Variants in SHISA9 observed in about 807,000 individuals in gnomAD.
SHISA9 encodes shisa family member 9, also known as protein shisa-9.
SHISA9 carries 13 observed loss-of-function variants against 38.0 expected under a neutral mutation model. That is an observed-to-expected ratio of 0.34 (90% CI 0.22 to 0.54). SHISA9 has a LOEUF of 0.54. Among genes scored for constraint, SHISA9 ranks in the 20% least tolerant of loss-of-function variants. The pLI is 0.91. For missense variants in SHISA9, 538 were observed against 575.8 expected (o/e 0.93, Z 0.67); for synonymous variants, 275 against 242.0 (o/e 1.14, Z -1.27).
the SHISA9 span, among the ~76,000 whole-genome samples, chr16:13,256,128 C>G: frequency 5.3e-4 from 81 of 152,312 alleles, no homozygotes; most frequent in African/African-American, 1.9e-3. Flanking sequence ...TTTCCTCTGC[C>G]AGAATAACTT....
chr16:13,416,485 G>A, the SHISA9 span, among the ~76,000 whole-genome samples: 115 of 152,234 alleles, frequency 7.6e-4, no homozygotes, highest in Middle Eastern at 0.014. Context: ...CCAACACTGG[G>A]AGGATGTGAG....
At chr16:12,964,967 G>A (rs2071958232) in intron 2 of SHISA9, among the ~76,000 whole-genome samples, 1 of 152,122 alleles carries the variant, frequency 6.6e-6, no homozygotes, top group African/African-American at 2.4e-5. Flanking sequence ...CCTAGTAGAT[G>A]TTTAGGCTGA....
At chr16:13,015,569 A>G (rs2072731522) in intron 2 of SHISA9, among the ~76,000 whole-genome samples, 1 of 152,162 alleles carries the variant, frequency 6.6e-6, no homozygotes, top group South Asian at 2.1e-4. Flanking sequence ...TCATTTTTGA[A>G]CCAATGCTTT....
rs562795186 is a variant in SHISA9 at position 13,014,176 on chromosome 16, G to C, written c.691+97361G>C. ...AGGAAACTGAGGCAGAGAGCAGTTA[G>C]AGCAATGTGCCCAAGACAATACAGT... On this transcript the variant is annotated intron_variant, in intron 2 of 4. Transcript: ENST00000558583. Among the ~76,000 whole-genome samples the C allele has an allele frequency of 7.2e-5, 11 of 152,304 alleles. No individual in the cohort carries two copies. The South Asian group carries it at 2.1e-3, about 29-fold the overall frequency.
the SHISA9 span, among the ~76,000 whole-genome samples, chr16:13,503,847 G>A: frequency 1.3e-5 from 2 of 152,106 alleles, no homozygotes; most frequent in Non-Finnish European, 2.9e-5. Context: ...ATTGCAGAGG[G>A]GCAAGAATGG....
the SHISA9 span, among the ~76,000 whole-genome samples, chr16:13,282,205 G>A: frequency 6.6e-6 from 1 of 151,836 alleles, no homozygotes; most frequent in Non-Finnish European, 1.5e-5. Context: ...ATTCTTCCAG[G>A]TATGATTTAT....
At chr16:13,114,483 A>T (rs1184790940) in intron 2 of SHISA9, among the ~76,000 whole-genome samples, 1 of 151,356 alleles carries the variant, frequency 6.6e-6, no homozygotes, top group African/African-American at 2.4e-5. Context: ...AAAAAAAAAA[A>T]AAAAAGACGA....
At chr16:13,462,107 C>T in the SHISA9 span, among the ~76,000 whole-genome samples, 3 of 151,478 alleles carry the variant, frequency 2.0e-5, no homozygotes, top group African/African-American at 7.3e-5. Flanking sequence ...CACATCTCTG[C>T]TTAAAGAAAA....
the SHISA9 span, among the ~76,000 whole-genome samples, chr16:13,522,481 G>A: frequency 2.8e-4 from 43 of 151,922 alleles, 1 homozygote; most frequent in African/African-American, 9.7e-4. Context: ...TTGCTTCCTC[G>A]ACCATCAGTG....
chr16:13,187,328 C>CTTTTCTTTTCTTTTCTTTTT (rs1450024008), intron 2 of SHISA9, among the ~76,000 whole-genome samples: 2 of 90,676 alleles, frequency 2.2e-5, no homozygotes, highest in African/African-American at 7.7e-5. Context: ...CTTTTCTTTT[C>CTTTTCTTTTCTTTTCTTTTT]TTTTTTTTTT....
chr16:13,067,709 C>A (rs1297524128), intron 2 of SHISA9, among the ~76,000 whole-genome samples: 2 of 152,232 alleles, frequency 1.3e-5, no homozygotes. Flanking sequence ...AGTGTTCCAG[C>A]TCAGGCCCTG....
At chr16:13,147,816 C>T (rs2050460891) in intron 2 of SHISA9, among the ~76,000 whole-genome samples, 1 of 152,088 alleles carries the variant, frequency 6.6e-6, no homozygotes, top group Non-Finnish European at 1.5e-5. Flanking sequence ...TATGGTTTTT[C>T]TTTTTGTTTT....
At position 13,033,948 on chromosome 16, in the gene SHISA9, C is replaced by A. The variant is rs1239550666; in HGVS notation, c.691+117133C>A. Among the ~76,000 whole-genome samples the A allele has an allele frequency of 4.6e-5, 7 of 152,260 alleles. No homozygotes were observed. In the East Asian group the frequency reaches 1.4e-3, roughly 29 times the overall value. On this transcript the variant is annotated intron_variant, in intron 2 of 4. Transcript: ENST00000558583. ...ATCACCTGAGGCCAGGAGTTTGCGA[C>A]CAGCCTAACTAACATGGCAAAACCC...
intron 2 of SHISA9, among the ~76,000 whole-genome samples, chr16:13,059,596 T>G (rs990183075): frequency 6.6e-6 from 1 of 152,104 alleles, no homozygotes; most frequent in Non-Finnish European, 1.5e-5. Flanking sequence ...GATGGGTTGA[T>G]AGGTACAGCA....
At chr16:13,397,475 G>A in the SHISA9 span, among the ~76,000 whole-genome samples, 9 of 152,130 alleles carry the variant, frequency 5.9e-5, no homozygotes, top group East Asian at 1.9e-4. Context: ...TGCCCGCCCC[G>A]CTGGGGTGCA....
the SHISA9 span, among the ~76,000 whole-genome samples, chr16:13,450,016 C>T: frequency 6.6e-6 from 1 of 152,184 alleles, no homozygotes; most frequent in Non-Finnish European, 1.5e-5. Flanking sequence ...ACTCGGGAGG[C>T]TGAGGCAGAA....
At chr16:13,366,660 TAGTG>T in the SHISA9 span, among the ~76,000 whole-genome samples, 3 of 151,874 alleles carry the variant, frequency 2.0e-5, no homozygotes, top group African/African-American at 7.3e-5. Context: ...CTGGAGAACA[TAGTG>T]AGACCCTGTC....
At chr16:13,258,644 G>A in the SHISA9 span, among the ~76,000 whole-genome samples, 5 of 152,154 alleles carry the variant, frequency 3.3e-5, no homozygotes, top group East Asian at 7.7e-4. Context: ...GGCTGGAGGC[G>A]AGGCCTCAGA....
In SHISA9 at chr16:13,200,757, C is replaced by G. The variant is rs541621708; in HGVS notation, c.692-2637C>G. Among the ~76,000 whole-genome samples the G allele has an allele frequency of 2.2e-5, 3 of 135,754 alleles. No homozygotes were observed. In the East Asian group the frequency reaches 5.9e-4, roughly 27 times the overall value. The allele number at this position is 135,754 out of a possible 152,430, so 89.1% of individuals were successfully genotyped here. On this transcript the variant is annotated intron_variant, in intron 2 of 4. Transcript: ENST00000558583. The stretch of plus-strand genomic sequence containing the variant: ...CGTCTCTCCAGACGTTGGCCAAAGA[C>G]TGGGTTACTTGGCACTTATGTTTGG...
Sources: allele counts gnomAD v4.1 joint callset (sites outside exome capture counted in the v4.1 genomes callset), GRCh38; gene constraint gnomAD v4.1.1; transcripts MANE v1.5; gene names NCBI Gene and HGNC (gene_info 2026-07-23, HGNC 2026-07-21).